LINGO2: variants seen among roughly 807,000 people sequenced by gnomAD.
LINGO2 encodes the protein leucine-rich repeat and immunoglobulin-like domain-containing nogo receptor-interacting protein 2.
Under a neutral mutation model 30.6 loss-of-function variants are expected in LINGO2, and 14 were observed. The observed-to-expected ratio is 0.46, with a 90% CI of 0.30 to 0.72. The LOEUF (loss-of-function observed/expected upper bound fraction) is 0.72. LINGO2 is among the 30% of genes least tolerant of loss of function. The pLI, the probability that LINGO2 is intolerant of heterozygous loss-of-function variation, is 0.07. For synonymous variants in LINGO2, 317 were observed against 288.5 expected (o/e 1.10, Z -1.00); for missense variants, 729 against 751.7 (o/e 0.97, Z 0.35).
intron 1 of LINGO2, among the ~76,000 whole-genome samples, chr9:28,552,307 C>A (rs1313023904): frequency 6.6e-6 from 1 of 151,882 alleles, no homozygotes; most frequent in Non-Finnish European, 1.5e-5. Flanking sequence ...TCTTGGTTTA[C>A]CAGCTAAAAC....
At chr9:28,057,797 T>C (rs1422732757) in intron 4 of LINGO2, among the ~76,000 whole-genome samples, 1 of 151,906 alleles carries the variant, frequency 6.6e-6, no homozygotes, top group Non-Finnish European at 1.5e-5. Flanking sequence ...AATCAAAAAG[T>C]ATCTACTCTC....
the LINGO2 span, among the ~76,000 whole-genome samples, chr9:28,731,869 C>G: frequency 6.6e-6 from 1 of 151,960 alleles, no homozygotes; most frequent in Non-Finnish European, 1.5e-5. Context: ...CATGACATCT[C>G]TATACTATTT....
intron 4 of LINGO2, among the ~76,000 whole-genome samples, chr9:28,077,748 A>G (rs1825667457): frequency 6.7e-6 from 1 of 148,562 alleles, no homozygotes; most frequent in Non-Finnish European, 1.5e-5. Flanking sequence ...GAGATTTTTC[A>G]ATGGTTTTAC....
At chr9:27,956,306 C>T (rs1331944899) in intron 5 of LINGO2, among the ~76,000 whole-genome samples, 1 of 152,124 alleles carries the variant, frequency 6.6e-6, no homozygotes, top group Non-Finnish European at 1.5e-5. Context: ...TTCCTCATAA[C>T]TAGTGATGCT....
the LINGO2 span, among the ~76,000 whole-genome samples, chr9:29,047,262 C>T: frequency 1.3e-5 from 2 of 151,836 alleles, no homozygotes; most frequent in Non-Finnish European, 2.9e-5. Context: ...AGACACTTCT[C>T]AAAAGAAGAC....
chr9:28,572,949 C>A (rs1823772029), intron 1 of LINGO2, among the ~76,000 whole-genome samples: 1 of 152,142 alleles, frequency 6.6e-6, no homozygotes, highest in Non-Finnish European at 1.5e-5. Flanking sequence ...AGTAACTAAA[C>A]CTTCCTGGCC....
At chr9:28,083,607 G>A (rs1825831967) in intron 4 of LINGO2, among the ~76,000 whole-genome samples, 1 of 152,078 alleles carries the variant, frequency 6.6e-6, no homozygotes, top group African/African-American at 2.4e-5. Flanking sequence ...CCACATAATG[G>A]TTCAATAAAA....
At chr9:28,384,018 T>A (rs1487600596) in intron 2 of LINGO2, among the ~76,000 whole-genome samples, 1 of 152,062 alleles carries the variant, frequency 6.6e-6, no homozygotes, top group Non-Finnish European at 1.5e-5. Flanking sequence ...TATGTTCATT[T>A]TCACTAAAAT....
At chr9:29,179,714 T>C in the LINGO2 span, among the ~76,000 whole-genome samples, 1 of 152,204 alleles carries the variant, frequency 6.6e-6, no homozygotes, top group Non-Finnish European at 1.5e-5. Context: ...CCATGAGCAC[T>C]TATTTCTGAG....
the LINGO2 span, among the ~76,000 whole-genome samples, chr9:29,188,418 C>T: frequency 2.0e-5 from 3 of 152,164 alleles, no homozygotes; most frequent in Non-Finnish European, 4.4e-5. Context: ...ATGTCTACTT[C>T]TCCCTACACA....
chr9:28,557,819 A>C (rs1363863606), intron 1 of LINGO2, among the ~76,000 whole-genome samples: 2 of 151,870 alleles, frequency 1.3e-5, no homozygotes, highest in Non-Finnish European at 2.9e-5. Flanking sequence ...TGCAGCCATA[A>C]AAAATAATGA....
chr9:28,794,947 C>G, the LINGO2 span, among the ~76,000 whole-genome samples: 1 of 151,850 alleles, frequency 6.6e-6, no homozygotes, highest in East Asian at 1.9e-4. Context: ...TCTCCTGCCT[C>G]AACCTCCCGA....
the LINGO2 span, among the ~76,000 whole-genome samples, chr9:28,822,853 T>C: frequency 6.6e-6 from 1 of 152,088 alleles, no homozygotes; most frequent in Non-Finnish European, 1.5e-5. Context: ...TAATACATAC[T>C]GAAAAAATTA....
chr9:28,385,823 G>A (rs1269827690), intron 2 of LINGO2, among the ~76,000 whole-genome samples: 1 of 152,152 alleles, frequency 6.6e-6, no homozygotes, highest in African/African-American at 2.4e-5. Flanking sequence ...GACCCAGAGA[G>A]AAAGGAGGGA....
intron 1 of LINGO2, among the ~76,000 whole-genome samples, chr9:28,502,917 A>G (rs1587767514): frequency 6.6e-6 from 1 of 152,234 alleles, no homozygotes; most frequent in South Asian, 2.1e-4. Context: ...AAGATGGCAA[A>G]GCCTCCTTAA....
At chr9:29,207,516 T>C in the LINGO2 span, among the ~76,000 whole-genome samples, 1 of 152,142 alleles carries the variant, frequency 6.6e-6, no homozygotes, top group South Asian at 2.1e-4. Context: ...GCTGGGAATC[T>C]TATATTTTTG....
At chr9:29,000,903 T>C in the LINGO2 span, among the ~76,000 whole-genome samples, 1 of 152,042 alleles carries the variant, frequency 6.6e-6, no homozygotes, top group Non-Finnish European at 1.5e-5. Flanking sequence ...TATTTCAAAC[T>C]GTAAGTTATA....
the LINGO2 span, among the ~76,000 whole-genome samples, chr9:29,125,702 CATTA>C: frequency 6.6e-6 from 1 of 151,972 alleles, no homozygotes; most frequent in Non-Finnish European, 1.5e-5. Flanking sequence ...GAAAATAAAT[CATTA>C]AATTAATTAA....
At chr9:28,495,734 C>A (rs1819588239) in intron 1 of LINGO2, among the ~76,000 whole-genome samples, 2 of 152,118 alleles carry the variant, frequency 1.3e-5, no homozygotes, top group South Asian at 2.1e-4. Context: ...TTCTCTAGTT[C>A]TTTTAATTGC....
Sources: allele counts gnomAD v4.1 joint callset (sites outside exome capture counted in the v4.1 genomes callset), GRCh38; gene constraint gnomAD v4.1.1; transcripts MANE v1.5; gene names NCBI Gene and HGNC (gene_info 2026-07-23, HGNC 2026-07-21).